Variants in NKIRAS1 observed in about 807,000 individuals in gnomAD.
NKIRAS1 encodes the protein NF-kappa-B inhibitor-interacting Ras-like protein 1.
Under a neutral mutation model 19.8 loss-of-function variants are expected in NKIRAS1, and 16 were observed. The ratio of observed to expected loss-of-function variants is 0.81; its 90% confidence interval spans 0.55 to 1.23. The LOEUF (loss-of-function observed/expected upper bound fraction) is 1.23. NKIRAS1 is among the 50% of genes most tolerant of loss of function. NKIRAS1 has a pLI of 0.00. For synonymous variants in NKIRAS1, 88 were observed against 79.0 expected, an observed-to-expected ratio of 1.11 and a Z score of -0.61; for missense variants, 184 against 220.0, an observed-to-expected ratio of 0.84 and a Z score of 1.04.
intron 3 of NKIRAS1, among the ~76,000 whole-genome samples, chr3:23,908,080 C>T (rs966000906): frequency 2.6e-5 from 4 of 152,166 alleles, no homozygotes; most frequent in African/African-American, 9.7e-5. Flanking sequence ...TATCCATCAT[C>T]ATGAACTTGA....
chr3:23,946,179 G>T (rs1010344413), intron 1 of NKIRAS1: 97 of 985,238 alleles, frequency 9.8e-5, no homozygotes, highest in Non-Finnish European at 1.1e-4. Context: ...CGCCCGCTGA[G>T]CCCCCGCGGC....
intron 3 of NKIRAS1, among the ~76,000 whole-genome samples, chr3:23,910,421 C>G (rs1703582164): frequency 6.6e-6 from 1 of 152,164 alleles, no homozygotes; most frequent in Non-Finnish European, 1.5e-5. Context: ...TCCCAAAGTG[C>G]TGGAATTACA....
rs1701619730 is a variant in NKIRAS1, at chr3:23,893,337, C to T, written c.337G>A (p.Val113Ile). 3.1e-6 allele frequency: 5 copies of T among 1,612,352 alleles called. No homozygotes were observed. The highest frequency in any genetic ancestry group is 4.2e-6 in the Non-Finnish European group (5 of 1,179,306). The change falls in exon 5 of 5, where the codon GTA (valine) becomes ATA (isoleucine). Residue 113 changes from valine to isoleucine, a missense_variant and splice_region_variant. Physicochemically the swap from Val to Ile is conservative, Grantham distance 29. Coordinates refer to ENST00000425478, the MANE Select transcript of NKIRAS1 (RefSeq NM_020345.4). Reference protein sequence around the residue: ...EIDKFKDKKEVAIVVLGNKID... With the variant: ...EIDKFKDKKEIAIVVLGNKID... ...TTGTTTCCTAATACCACAATTGCTA[C>T]CTGAAAGAAAACGGATTGAAAAGAT... is the stretch of plus-strand genomic sequence containing the variant.
Position 23,926,277 on chromosome 3 carries a change from C to T in NKIRAS1, c.-139-14827G>A, listed in dbSNP as rs768942546. 1.1e-4 allele frequency among the ~76,000 whole-genome samples: 17 copies of T among 152,184 alleles called. No individual in the cohort carries two copies. The highest frequency in any genetic ancestry group is 2.6e-4 in the Admixed American group (4 of 15,278). ...GTGTTGGCCAGGCTGGTCTCAAACG[C>T]CTGACCTTAGGTGATCCACCTGCCT... On this transcript the variant is annotated intron_variant, in intron 1 of 4. Coordinates refer to the NKIRAS1 transcript ENST00000421515. The surrounding 1 kb of genome is among the most constrained non-coding windows in gnomAD (Gnocchi z 4.3).
chr3:23,913,097 T>C lies in NKIRAS1; in HGVS notation c.-139-1647A>G, dbSNP rs560759108. ...ACTACAAATGTACTTTGATCACTCA[T>C]TGATAATATGATTATCAGGATAATA... On this transcript the variant is annotated intron_variant, in intron 1 of 4. Transcript: ENST00000425478. Among the ~76,000 whole-genome samples, 11 of 151,058 alleles carry C rather than the reference T, an allele frequency of 7.3e-5. No homozygotes were observed. In the East Asian group the frequency reaches 7.8e-4, roughly 11 times the overall value.
intron 1 of NKIRAS1, among the ~76,000 whole-genome samples, chr3:23,945,820 G>A (rs1311291511): frequency 4.6e-5 from 7 of 150,592 alleles, no homozygotes; most frequent in African/African-American, 1.5e-4. Context: ...CCGGCGCCCG[G>A]CCCGGCCCCC....
chr3:23,921,570 G>GTT (rs71622703), upstream of NKIRAS1: 11,643 of 496,340 alleles, frequency 0.023, 25 homozygotes, highest in South Asian at 0.036. Flanking sequence ...TGATTATTGA[G>GTT]TTTTTTTTTT....
chr3:23,942,833 C>G (rs1705530947), intron 1 of NKIRAS1, among the ~76,000 whole-genome samples: 2 of 152,198 alleles, frequency 1.3e-5, no homozygotes, highest in African/African-American at 4.8e-5. Flanking sequence ...ACTGCAGCCT[C>G]AACCTCCCAG....
intron 1 of NKIRAS1, among the ~76,000 whole-genome samples, chr3:23,942,015 G>A (rs532017869): frequency 1.3e-5 from 2 of 151,176 alleles, no homozygotes; most frequent in Admixed American, 1.3e-4. Context: ...GTCTCACTCT[G>A]TTGCCTAGGC....
Position 23,910,833 on chromosome 3 carries a change from G to C in NKIRAS1, c.72C>G (p.Leu24=). ...SVGKTAILEQ[L]LYGNHTIGME... ...TACCAATAGTATGATTTCCATAAAG[G>C]AGCTGCTCCAAAATTGCAGTTTTCC... Residue 24 remains leucine (L), a synonymous_variant, in exon 3 of 5, where the codon CTC becomes CTG. Coordinates refer to ENST00000425478, the MANE Select transcript of NKIRAS1 (RefSeq NM_020345.4). 2 of 1,613,630 alleles carry C rather than the reference G, an allele frequency of 1.2e-6. No individual in the cohort carries two copies. Among genetic ancestry groups the C allele is most frequent in the Non-Finnish European group, 1.7e-6 (2 of 1,179,622 alleles).
At chr3:23,918,809 A>G (rs1350069149), upstream of NKIRAS1, 1 of 576,402 alleles carries the variant, frequency 1.7e-6, no homozygotes, top group African/African-American at 1.9e-5. Flanking sequence ...CGGCAAGAAT[A>G]TGCAGAAGAG....
At chr3:23,937,944 A>G (rs897634126) in intron 1 of NKIRAS1, among the ~76,000 whole-genome samples, 29 of 152,202 alleles carry the variant, frequency 1.9e-4, no homozygotes, top group African/African-American at 7.0e-4. Context: ...AAAAGATATT[A>G]GATATTATTA....
At chr3:23,934,832 T>C (rs984274288) in intron 1 of NKIRAS1, among the ~76,000 whole-genome samples, 1 of 86,430 alleles carries the variant, frequency 1.2e-5, no homozygotes, top group Admixed American at 1.2e-4. Context: ...CTTGCTCTCT[T>C]GAAAAAAAAA....
At chr3:23,906,402 C>CA (rs954190150) in intron 3 of NKIRAS1, among the ~76,000 whole-genome samples, 7 of 151,620 alleles carry the variant, frequency 4.6e-5, no homozygotes, top group African/African-American at 7.3e-5. Context: ...GAAAACAAAA[C>CA]AAAAAAAAGA....
chr3:23,904,130 A>C (rs1489404928), intron 3 of NKIRAS1, among the ~76,000 whole-genome samples: 1 of 152,200 alleles, frequency 6.6e-6, no homozygotes, highest in Non-Finnish European at 1.5e-5. Flanking sequence ...GTGCCACTGC[A>C]CTCCAACCCG....
intron 1 of NKIRAS1, among the ~76,000 whole-genome samples, chr3:23,942,687 TCC>T: frequency 6.6e-6 from 1 of 152,052 alleles, no homozygotes; most frequent in South Asian, 2.1e-4. Context: ...GTCCTCGGCC[TCC>T]CAAAGTGCTG....
upstream of NKIRAS1, chr3:23,920,079 T>A (rs1484600918): frequency 2.0e-6 from 2 of 985,768 alleles, no homozygotes; most frequent in Non-Finnish European, 2.4e-6. Context: ...TGGTGTGTTT[T>A]GAAGTTGAAT....
intron 3 of NKIRAS1, among the ~76,000 whole-genome samples, chr3:23,907,441 A>G (rs529743209): frequency 1.3e-5 from 2 of 152,288 alleles, no homozygotes; most frequent in South Asian, 4.1e-4. Flanking sequence ...ATTGTACTGT[A>G]TTTATATATG....
chr3:23,924,949 C>A (rs1705185612), intron 1 of NKIRAS1, among the ~76,000 whole-genome samples: 2 of 152,190 alleles, frequency 1.3e-5, no homozygotes, highest in Admixed American at 1.3e-4. Flanking sequence ...AGATTGTTCT[C>A]ACTCTAGAAT....
Sources: allele counts gnomAD v4.1 joint callset (sites outside exome capture counted in the v4.1 genomes callset), GRCh38; gene constraint gnomAD v4.1.1; non-coding constraint Gnocchi (gnomAD v3.1); transcripts MANE v1.5; gene names NCBI Gene and HGNC (gene_info 2026-07-23, HGNC 2026-07-21).